NPIPA1: variants seen among roughly 807,000 people sequenced by gnomAD.
NPIPA1 encodes nuclear pore complex-interacting protein family member A1.
For missense variants in NPIPA1, 22 were observed against 232.2 expected (o/e 0.09, Z 5.88); for synonymous variants, 7 against 88.0 (o/e 0.08, Z 5.15).
intron 2 of NPIPA1, among the ~76,000 whole-genome samples, chr16:14,942,801 G>T (rs1409475804): frequency 1.3e-5 from 2 of 152,268 alleles, no homozygotes; most frequent in East Asian, 1.9e-4. Context: ...CTGCTAAGTT[G>T]TGGCATAATT....
chr16:14,939,922 G>C (rs1216738110), intron 1 of NPIPA1, among the ~76,000 whole-genome samples: 2 of 34,878 alleles, frequency 5.7e-5, no homozygotes, highest in African/African-American at 1.2e-4. Flanking sequence ...TTGAGACAGA[G>C]TCTCGCTCTG....
intron 4 of NPIPA1, among the ~76,000 whole-genome samples, chr16:14,946,501 C>T (rs28495603): frequency 3.5e-4 from 52 of 149,306 alleles, no homozygotes; most frequent in East Asian, 1.0e-3. Context: ...GGATTAGAGG[C>T]GTGAGCCACC....
intron 2 of NPIPA1, among the ~76,000 whole-genome samples, chr16:14,943,187 C>T (rs1212899037): frequency 3.9e-5 from 6 of 152,020 alleles, no homozygotes; most frequent in African/African-American, 1.5e-4. Flanking sequence ...AAAGGAGTCT[C>T]CCTCTGTTGC....
intron 1 of NPIPA1, chr16:14,938,114 A>G: frequency 2.8e-6 from 1 of 356,194 alleles, no homozygotes; most frequent in Non-Finnish European, 5.1e-6. Flanking sequence ...CCCCTCCCCA[A>G]CTCAGATCCG....
chr16:14,946,451 A>G (rs1190121137), intron 4 of NPIPA1, among the ~76,000 whole-genome samples: 2 of 149,136 alleles, frequency 1.3e-5, no homozygotes, highest in African/African-American at 2.5e-5. Context: ...CGAACTTCTG[A>G]CCTCAGGTAA....
At chr16:14,946,564 G>A (rs1412245881) in intron 4 of NPIPA1, among the ~76,000 whole-genome samples, 21 of 144,282 alleles carry the variant, frequency 1.5e-4, no homozygotes, top group African/African-American at 2.3e-4. Context: ...TCGCTCTGTC[G>A]CCCAGGCTGG....
chr16:14,944,408 AAGATGCTCCAGTGC>A (rs1302572952), intron 2 of NPIPA1, among the ~76,000 whole-genome samples: 1 of 151,242 alleles, frequency 6.6e-6, no homozygotes, highest in African/African-American at 2.4e-5. Flanking sequence ...GGACAGAAGA[AAGATGCTCCAGTGC>A]AGATCAGGAA....
intron 1 of NPIPA1, among the ~76,000 whole-genome samples, chr16:14,938,756 T>A (rs1318570387): frequency 4.6e-5 from 7 of 152,262 alleles, no homozygotes; most frequent in African/African-American, 9.6e-5. Context: ...TTTTTTTTTT[T>A]AAGACAGAGT....
chr16:14,944,907 A>ATTT (rs71270869), intron 2 of NPIPA1, among the ~76,000 whole-genome samples: 83 of 123,008 alleles, frequency 6.7e-4, no homozygotes, highest in Non-Finnish European at 9.3e-4. Context: ...CCTGGCCTAT[A>ATTT]TTTTTTTTTT....
chr16:14,940,344 C>G (rs1420054022), intron 1 of NPIPA1, among the ~76,000 whole-genome samples: 1 of 151,270 alleles, frequency 6.6e-6, no homozygotes. Context: ...TAGAGGGATT[C>G]TTTTACCATG....
chr16:14,939,860 C>T (rs1229325899), intron 1 of NPIPA1, among the ~76,000 whole-genome samples: 1 of 27,786 alleles, frequency 3.6e-5, no homozygotes, highest in African/African-American at 7.3e-5. Context: ...AGAAATCCCA[C>T]GCTATTCATG....
At chr16:14,944,962 A>G (rs1464253152) in intron 2 of NPIPA1, among the ~76,000 whole-genome samples, 1 of 138,808 alleles carries the variant, frequency 7.2e-6, no homozygotes, top group African/African-American at 2.7e-5. Context: ...CCCATGTTGG[A>G]GTGCAATGGC....
intron 4 of NPIPA1, among the ~76,000 whole-genome samples, chr16:14,947,734 T>G (rs1295301045): frequency 6.6e-5 from 10 of 152,266 alleles, no homozygotes; most frequent in Admixed American, 2.6e-4. Flanking sequence ...TGTTCTCATC[T>G]GAGATCAGAA....
chr16:14,938,653 G>A (rs1376144195), intron 1 of NPIPA1, among the ~76,000 whole-genome samples: 1 of 143,766 alleles, frequency 7.0e-6, no homozygotes, highest in Non-Finnish European at 1.5e-5. Context: ...AGTGAGCCGA[G>A]ATGGCCCCGC....
At chr16:14,946,843 T>G (rs1334305189) in intron 4 of NPIPA1, among the ~76,000 whole-genome samples, 1 of 151,964 alleles carries the variant, frequency 6.6e-6, no homozygotes, top group African/African-American at 2.4e-5. Flanking sequence ...TACAGGCATA[T>G]GCCACCATGC....
intron 2 of NPIPA1, among the ~76,000 whole-genome samples, chr16:14,945,267 T>A (rs868556524): frequency 3.8e-4 from 50 of 132,052 alleles, no homozygotes; most frequent in African/African-American, 6.6e-4. Context: ...TGTGTGTGTG[T>A]GAGACAGAGT....
intron 4 of NPIPA1, among the ~76,000 whole-genome samples, chr16:14,947,258 A>T (rs1318395575): frequency 6.6e-6 from 1 of 152,230 alleles, no homozygotes; most frequent in Non-Finnish European, 1.5e-5. Context: ...TTAACAATGA[A>T]TTGAGGCCTA....
intron 2 of NPIPA1, among the ~76,000 whole-genome samples, chr16:14,945,280 C>G (rs1209164054): frequency 1.4e-5 from 2 of 140,648 alleles, no homozygotes; most frequent in Non-Finnish European, 3.1e-5. Flanking sequence ...GACAGAGTCT[C>G]ATTCTGTCAC....
chr16:14,949,308 G>C (rs1429827707), intron 5 of NPIPA1: 1 of 227,554 alleles, frequency 4.4e-6, no homozygotes, highest in East Asian at 1.9e-4. Context: ...TCTAGGGGTG[G>C]GGTGAGTTGT....
Sources: gnomAD v4.1 joint callset for allele counts (sites outside exome capture counted in the v4.1 genomes callset) on GRCh38, gnomAD v4.1.1 for gene constraint, MANE v1.5 for transcripts, NCBI Gene and HGNC (gene_info 2026-07-23, HGNC 2026-07-21) for gene names.